The following PCLO variants were observed in gnomAD, a reference collection of about 807,000 sequenced individuals.
The protein encoded by PCLO is piccolo presynaptic cytomatrix protein.
A neutral mutation model predicts 427.5 loss-of-function variants in PCLO; 82 were observed. The ratio of observed to expected loss-of-function variants is 0.19; its 90% CI spans 0.16 to 0.23. The LOEUF is 0.23. Ranked by LOEUF, PCLO falls within the 10% of genes least tolerant of loss-of-function variation. The pLI, the probability that PCLO is intolerant of heterozygous loss-of-function variation, is 1.00. For synonymous variants in PCLO, 2,357 were observed against 2,155.4 expected (o/e 1.09, Z -2.59); for missense variants, 6,239 against 6,115.9 (o/e 1.02, Z -0.67).
intron 3 of PCLO, among the ~76,000 whole-genome samples, chr7:82,998,994 TAAA>T (rs1270848558): frequency 6.7e-6 from 1 of 149,932 alleles, no homozygotes; most frequent in East Asian, 2.0e-4. Context: ...TAAGAAAAAA[TAAA>T]AAATTAATGT....
At chr7:82,992,593 G>C (rs186045001) in intron 3 of PCLO, among the ~76,000 whole-genome samples, 2,939 of 152,076 alleles carry the variant, frequency 0.019, 36 homozygotes, top group Middle Eastern at 0.031. Context: ...GGCCTGTCGG[G>C]GGGTGTGGGA....
intron 1 of PCLO, among the ~76,000 whole-genome samples, chr7:83,156,610 G>GT (rs1792308963): frequency 6.8e-6 from 1 of 147,792 alleles, no homozygotes; most frequent in Non-Finnish European, 1.5e-5. Flanking sequence ...AGCAAGTGAA[G>GT]AAAAAAAAAC....
chr7:82,762,074 A>G (rs776915649), intron 22 of PCLO, among the ~76,000 whole-genome samples: 1 of 152,110 alleles, frequency 6.6e-6, no homozygotes, highest in Non-Finnish European at 1.5e-5. Flanking sequence ...GAGTGAATAT[A>G]ATGATAAGCC....
At chr7:82,853,288 G>A (rs1792713297) in intron 10 of PCLO, among the ~76,000 whole-genome samples, 1 of 151,978 alleles carries the variant, frequency 6.6e-6, no homozygotes, top group South Asian at 2.1e-4. Flanking sequence ...TTTCATCAAA[G>A]CAGGCTCAAT....
intron 2 of PCLO, among the ~76,000 whole-genome samples, chr7:83,153,200 A>ATATATAAAAACATATGTATATGTATATG (rs1792181122): frequency 2.0e-5 from 3 of 150,038 alleles, no homozygotes; most frequent in Non-Finnish European, 4.4e-5. Flanking sequence ...ATATGTATAT[A>ATATATAAAAACATATGTATATGTATATG]TTGTATATAT....
chr7:83,071,622 T>C (rs1485289899), intron 3 of PCLO, among the ~76,000 whole-genome samples: 2 of 152,180 alleles, frequency 1.3e-5, no homozygotes, highest in East Asian at 3.9e-4. Context: ...CACAGTGCTT[T>C]TTAATTAGAC....
In PCLO at chr7:83,071,606, T is replaced by C. The variant is rs541675981; in HGVS notation, c.3300+62644A>G. Among the ~76,000 whole-genome samples, 3 of 152,256 alleles carry C rather than the reference T, an allele frequency of 2.0e-5. No individual in the cohort carries two copies. The South Asian group carries it at 6.2e-4, about 32-fold the overall frequency. ...GTCATTCCCTCTCCAGTCAGGCAGA[T>C]GGGAGCACAGTGCTTTTTAATTAGA... On this transcript the variant is annotated intron_variant, in intron 3 of 24. Coordinates refer to ENST00000333891, the MANE Select transcript of PCLO (RefSeq NM_033026.6).
chr7:82,894,138 T>C (rs1198692305), intron 9 of PCLO, among the ~76,000 whole-genome samples: 3 of 151,964 alleles, frequency 2.0e-5, no homozygotes, highest in Non-Finnish European at 4.4e-5. Flanking sequence ...AAAATCATAA[T>C]TAAATAGATT....
chr7:82,965,633 G>A, intron 4 of PCLO, 138 bp downstream of exon 4: 1 of 608,388 alleles, frequency 1.6e-6, no homozygotes, highest in Non-Finnish European at 2.8e-6. Flanking sequence ...TCAAACAAGT[G>A]TTATACTTCT....
At chr7:83,070,063 A>G (rs1360231525) in intron 3 of PCLO, among the ~76,000 whole-genome samples, 1 of 152,122 alleles carries the variant, frequency 6.6e-6, no homozygotes, top group East Asian at 1.9e-4. Context: ...ATTAGGTTAT[A>G]GAAAGACTGT....
At chr7:82,914,360 C>A (rs971292827) in intron 7 of PCLO, 3 of 459,128 alleles carry the variant, frequency 6.5e-6, no homozygotes, top group Non-Finnish European at 1.1e-5. Flanking sequence ...CAATGAAAAA[C>A]TTTTCAACTA....
At position 82,966,503 on chromosome 7, in the gene PCLO, T is replaced by C; in HGVS notation, c.3301-16A>G. ...ATTCTTGAATCTGTGGGAAAAAAAT[T>C]ACAATGAACAGATTGAATGTATTAT... is the stretch of plus-strand genomic sequence containing the variant. On this transcript the variant is annotated splice_polypyrimidine_tract_variant and intron_variant, in intron 3 of 24. Transcript: ENST00000333891. The C allele has an allele frequency of 1.4e-6, 2 of 1,455,230 alleles. No individual in the cohort carries two copies. The highest frequency in any genetic ancestry group is 2.3e-5 in the East Asian group (1 of 43,554). 90.1% of individuals were successfully genotyped at this position (1,455,230 alleles called of 1,614,324 possible). A position where few individuals can be genotyped will look rare whatever the true frequency, so the allele number is the denominator to read the frequency against.
chr7:83,014,829 C>G (rs1253175130), intron 3 of PCLO, among the ~76,000 whole-genome samples: 2 of 152,082 alleles, frequency 1.3e-5, no homozygotes, highest in African/African-American at 4.8e-5. Flanking sequence ...TGGATTGCCA[C>G]AGAGCTTCCC....
At chr7:82,891,594 G>A (rs1015464263) in intron 9 of PCLO, among the ~76,000 whole-genome samples, 1 of 152,096 alleles carries the variant, frequency 6.6e-6, no homozygotes, top group African/African-American at 2.4e-5. Context: ...TGGTGACAGA[G>A]GGCATCCCTG....
chr7:82,928,989 G>C (rs979441272), intron 6 of PCLO, among the ~76,000 whole-genome samples: 2 of 152,102 alleles, frequency 1.3e-5, no homozygotes, highest in African/African-American at 4.8e-5. Flanking sequence ...AACTCTTTAC[G>C]GCTTGCTAAC....
In PCLO at chr7:83,162,337, G is replaced by T. The variant is rs377422284; in HGVS notation, c.248+8C>A. On this transcript the variant is annotated splice_region_variant and intron_variant, in intron 1 of 24. Transcript: ENST00000333891. ...TATGCCCGGACATATACATCATGCTGTGCATGCCTGTGCATGGAAGGCGAC... is the reference window on the plus strand; with the variant it reads ...TATGCCCGGACATATACATCATGCTTTGCATGCCTGTGCATGGAAGGCGAC... The T allele has an allele frequency of 5.0e-4, 796 of 1,593,518 alleles. 3 individuals carry two copies. The highest frequency in any genetic ancestry group is 2.2e-3 in the Middle Eastern group (13 of 6,036).
chr7:82,852,000 A>G (rs1451980622), intron 10 of PCLO, among the ~76,000 whole-genome samples: 1 of 152,090 alleles, frequency 6.6e-6, no homozygotes, highest in East Asian at 1.9e-4. Flanking sequence ...ATATATTAAC[A>G]TAAAAGGGGG....
At chr7:82,844,172 T>G (rs1035625942) in intron 13 of PCLO, among the ~76,000 whole-genome samples, 2 of 152,176 alleles carry the variant, frequency 1.3e-5, no homozygotes, top group African/African-American at 4.8e-5. Context: ...TAGTATTAAT[T>G]ATGTTGGTAT....
At chr7:82,998,403 CAA>C (rs1160990496) in intron 3 of PCLO, among the ~76,000 whole-genome samples, 1 of 24,674 alleles carries the variant, frequency 4.1e-5, no homozygotes, top group Non-Finnish European at 6.5e-5. Context: ...ACAACAACAA[CAA>C]CAACAACAAC....
Sources: allele counts gnomAD v4.1 joint callset (sites outside exome capture counted in the v4.1 genomes callset), GRCh38; gene constraint gnomAD v4.1.1; transcripts MANE v1.5; gene names NCBI Gene and HGNC (gene_info 2026-07-23, HGNC 2026-07-21).